The following CACNA1E variants were observed in gnomAD, a reference collection of about 807,000 sequenced individuals.
The protein encoded by CACNA1E is calcium voltage-gated channel subunit alpha1 E.
CACNA1E carries 40 observed loss-of-function variants against 259.2 expected under a neutral mutation model. The ratio of observed to expected loss-of-function variants is 0.15; its 90% CI spans 0.12 to 0.20. The LOEUF (loss-of-function observed/expected upper bound fraction) is 0.20, where lower values mean the gene tolerates loss of function less well. Among genes scored for constraint, CACNA1E ranks in the 10% least tolerant of loss-of-function variants. CACNA1E has a pLI of 1.00. For synonymous variants in CACNA1E, 1,104 were observed against 1,138.5 expected (o/e 0.97, Z 0.61); for missense variants, 1,874 against 3,040.1 (o/e 0.62, Z 9.02).
chr1:181,504,536 A>G (rs1665546578), intron 1 of CACNA1E, among the ~76,000 whole-genome samples: 1 of 152,192 alleles, frequency 6.6e-6, no homozygotes, highest in African/African-American at 2.4e-5. Flanking sequence ...CCTGAGGCCT[A>G]AGTCCTTCCC....
At chr1:181,573,009 C>A (rs1650570813) in intron 3 of CACNA1E, among the ~76,000 whole-genome samples, 1 of 152,156 alleles carries the variant, frequency 6.6e-6, no homozygotes, top group Non-Finnish European at 1.5e-5. Flanking sequence ...CAGCACTGGG[C>A]AAACATTACA....
Position 181,659,866 on chromosome 1 carries a change from C to G in CACNA1E, c.1055+8425C>G, listed in dbSNP as rs538997188. ...GCCAGAGGTTACAATTTCTCAACTT[C>G]TAGTTAGTGCTTATTTTAGTGTACA... On this transcript the variant is annotated intron_variant, in intron 7 of 47. Coordinates refer to ENST00000367573, the MANE Select transcript of CACNA1E (RefSeq NM_001205293.3). Among the ~76,000 whole-genome samples, 419 of 152,284 alleles carry G rather than the reference C, an allele frequency of 2.8e-3. 5 individuals carry two copies. Among genetic ancestry groups the G allele is most frequent in the African/African-American group, 9.7e-3 (403 of 41,560 alleles).
At chr1:181,797,918 C>G (rs900169552) in intron 47 of CACNA1E, among the ~76,000 whole-genome samples, 1 of 152,146 alleles carries the variant, frequency 6.6e-6, no homozygotes, top group Non-Finnish European at 1.5e-5. Context: ...TTAGTGTGCC[C>G]CTTGTTACAT....
intron 17 of CACNA1E, among the ~76,000 whole-genome samples, chr1:181,725,237 C>T (rs1166958697): frequency 1.3e-5 from 2 of 152,222 alleles, no homozygotes; most frequent in Non-Finnish European, 2.9e-5. Flanking sequence ...CTTTCTACAT[C>T]CTTGAGGGTC....
chr1:181,486,727 A>T (rs1663850716), intron 1 of CACNA1E, among the ~76,000 whole-genome samples: 2 of 152,200 alleles, frequency 1.3e-5, no homozygotes, highest in Non-Finnish European at 2.9e-5. Context: ...CACATGCCTA[A>T]AACATTATCT....
At position 181,732,677 on chromosome 1, in the gene CACNA1E, C is replaced by T; in HGVS notation, c.2591C>T (p.Ser864Phe). Reference sequence around the variant, plus strand: ...CTCAAGGGGGATGGAGGGGACCGATCCAGTGCCCTGGACAACCAGAGGACC... The same window carrying T: ...CTCAAGGGGGATGGAGGGGACCGATTCAGTGCCCTGGACAACCAGAGGACC... Reference protein sequence around the residue: ...GSLKGDGGDRSSALDNQRTPL... With the variant: ...GSLKGDGGDRFSALDNQRTPL... The change falls in exon 20 of 48, where the codon TCC (serine) becomes TTC (phenylalanine). Residue 864 changes from serine (S) to phenylalanine (F), a missense_variant. Around this residue, in one of 14 missense-constraint regions of CACNA1E, gnomAD observed 476 missense variants for 514.0 expected, o/e 0.93. Transcript: ENST00000367573. The surrounding 1 kb of genome is among the most constrained non-coding windows in gnomAD (Gnocchi z 5.5). The T allele has an allele frequency of 1.3e-6, 2 of 1,527,814 alleles. No homozygotes were observed. Among genetic ancestry groups the T allele is most frequent in the African/African-American group, 1.4e-5 (1 of 72,178 alleles). 94.6% of individuals were successfully genotyped at this position (1,527,814 alleles called of 1,614,324 possible).
At chr1:181,789,108 G>A (rs931976416) in intron 43 of CACNA1E, among the ~76,000 whole-genome samples, 2 of 152,160 alleles carry the variant, frequency 1.3e-5, no homozygotes, top group African/African-American at 2.4e-5. Context: ...CTATCTTCCC[G>A]GTTCGGCCTT....
intron 6 of CACNA1E, among the ~76,000 whole-genome samples, chr1:181,583,021 T>G (rs2102989550): frequency 6.6e-6 from 1 of 152,096 alleles, no homozygotes; most frequent in South Asian, 2.1e-4. Flanking sequence ...GCTATTCTGA[T>G]GGCTGGATTT....
chr1:181,739,413 G>A (rs376667390), intron 25 of CACNA1E, 160 bp downstream of exon 25: 125 of 625,132 alleles, frequency 2.0e-4, no homozygotes, highest in African/African-American at 1.8e-3. Context: ...GCTCCTGAGC[G>A]CCTTGCAGCT....
chr1:181,586,645 A>G (rs1003132310), intron 6 of CACNA1E, among the ~76,000 whole-genome samples: 2 of 152,256 alleles, frequency 1.3e-5, no homozygotes, highest in African/African-American at 4.8e-5. Context: ...ATGATTATTC[A>G]GTTAAAAAAG....
rs569675496 is a variant in CACNA1E, at chr1:181,736,345, G to A, written c.3333G>A (p.Val1111=). The A allele has an allele frequency of 2.5e-6, 4 of 1,609,236 alleles. No homozygotes were observed. The African/African-American group carries it at 5.3e-5, about 21-fold the overall frequency. Residue 1111 remains valine (V), a synonymous_variant, in exon 22 of 48, where the codon GTG becomes GTA. Coordinates refer to ENST00000367573, the MANE Select transcript of CACNA1E (RefSeq NM_001205293.3). Reference sequence around the variant, plus strand: ...AGATCAGAGAGGATGAGGAGGAGGTGGAGAAGAAGAAGCAGAAGAAGGAGA... The same window carrying A: ...AGATCAGAGAGGATGAGGAGGAGGTAGAGAAGAAGAAGCAGAAGAAGGAGA... ...EAEIREDEEE[V]EKKKQKKEKR...
intron 3 of CACNA1E, among the ~76,000 whole-genome samples, chr1:181,534,767 C>T (rs4146634): frequency 0.38 from 57,635 of 151,774 alleles, 12,656 homozygotes; most frequent in East Asian, 0.5. Flanking sequence ...AGAAAGGAAG[C>T]GATTTTAAAG....
intron 1 of CACNA1E, among the ~76,000 whole-genome samples, chr1:181,322,702 C>T (rs1346654572): frequency 6.6e-6 from 1 of 152,188 alleles, no homozygotes; most frequent in Non-Finnish European, 1.5e-5. Flanking sequence ...AAGGCCTTCC[C>T]GTTTATGTTC....
chr1:181,774,657 GA>G (rs148844089), intron 37 of CACNA1E, among the ~76,000 whole-genome samples: 1,716 of 152,354 alleles, frequency 0.011, 33 homozygotes, highest in African/African-American at 0.038. Context: ...CAGGAGAAAA[GA>G]AGGAAGAGAA....
intron 5 of CACNA1E, among the ~76,000 whole-genome samples, chr1:181,579,950 A>T (rs1306300033): frequency 1.3e-5 from 2 of 152,206 alleles, no homozygotes. Flanking sequence ...TAGGGTACAC[A>T]ACCCCAAATT....
At chr1:181,575,829 A>G (rs1470394984) in intron 3 of CACNA1E, among the ~76,000 whole-genome samples, 1 of 152,242 alleles carries the variant, frequency 6.6e-6, no homozygotes, top group African/African-American at 2.4e-5. Context: ...TACAAGAACC[A>G]GCCAAACAAT....
intron 6 of CACNA1E, among the ~76,000 whole-genome samples, chr1:181,586,970 T>C (rs2103006018): frequency 6.6e-6 from 1 of 152,126 alleles, no homozygotes; most frequent in East Asian, 1.9e-4. Flanking sequence ...GGAGGAGAAT[T>C]GGTGGAGTGA....
At chr1:181,755,896 A>G in intron 28 of CACNA1E, 60 bp from the exon 29 acceptor site, 2 of 1,545,200 alleles carry the variant, frequency 1.3e-6, no homozygotes, top group African/African-American at 2.7e-5. Flanking sequence ...GAATGTGCTG[A>G]CTCTTCTGTA....
intron 6 of CACNA1E, among the ~76,000 whole-genome samples, chr1:181,625,690 G>A (rs530906732): frequency 7.2e-5 from 11 of 152,290 alleles, no homozygotes; most frequent in South Asian, 2.1e-4. Flanking sequence ...CCACTCAGAC[G>A]TTCTCTGTAT....
Sources: gnomAD v4.1 joint callset for allele counts (sites outside exome capture counted in the v4.1 genomes callset) on GRCh38, gnomAD v4.1.1 for gene constraint, gnomAD v4.1.1 regional missense constraint, Gnocchi (gnomAD v3.1) non-coding constraint, MANE v1.5 for transcripts, NCBI Gene and HGNC (gene_info 2026-07-23, HGNC 2026-07-21) for gene names.